The following MAP3K13 variants were observed in gnomAD, a reference collection of about 807,000 sequenced individuals.
MAP3K13 encodes mitogen-activated protein kinase kinase kinase 13.
Under a neutral mutation model 104.0 loss-of-function variants are expected in MAP3K13, and 52 were observed. The observed-to-expected ratio is 0.50, with a 90% confidence interval of 0.40 to 0.63. The LOEUF is 0.63. Among genes scored for constraint, MAP3K13 ranks in the 20% least tolerant of loss-of-function variants. MAP3K13 has a pLI of 0.00. For missense variants in MAP3K13, 914 were observed against 1,218.5 expected (o/e 0.75, Z 3.72); for synonymous variants, 394 against 442.2 (o/e 0.89, Z 1.37).
intron 2 of MAP3K13, among the ~76,000 whole-genome samples, chr3:185,320,184 A>C (rs181496003): frequency 0.021 from 3,195 of 151,460 alleles, 40 homozygotes; most frequent in Middle Eastern, 0.027. Context: ...GGATTCAAGC[A>C]ATTCTCCTGC....
chr3:185,330,273 T>C (rs547108657), intron 2 of MAP3K13, among the ~76,000 whole-genome samples: 197 of 152,066 alleles, frequency 1.3e-3, no homozygotes, highest in African/African-American at 4.5e-3. Flanking sequence ...TCACTGGGTT[T>C]CCCCTTCCTC....
At chr3:185,384,277 ATTC>A (rs952759446) in intron 1 of MAP3K13, among the ~76,000 whole-genome samples, 4 of 149,924 alleles carry the variant, frequency 2.7e-5, no homozygotes, top group Non-Finnish European at 5.9e-5. Context: ...ACTGCATTCC[ATTC>A]TTTTTTATGA....
At chr3:185,469,377 G>A (rs1435556178) in intron 10 of MAP3K13, among the ~76,000 whole-genome samples, 2 of 152,328 alleles carry the variant, frequency 1.3e-5, no homozygotes, top group African/African-American at 4.8e-5. Flanking sequence ...CAAGTTATGA[G>A]TTCTGCCACT....
chr3:185,454,615 T>TATATATGATATATATGATATATAG (rs1560117022), intron 7 of MAP3K13, among the ~76,000 whole-genome samples: 1 of 46,906 alleles, frequency 2.1e-5, no homozygotes, highest in Non-Finnish European at 4.3e-5. Context: ...ATATATATGA[T>TATATATGATATATATGATATATAG]ATATATATGA....
intron 2 of MAP3K13, among the ~76,000 whole-genome samples, chr3:185,436,429 G>T (rs1485986876): frequency 6.6e-6 from 1 of 152,290 alleles, no homozygotes; most frequent in African/African-American, 2.4e-5. Context: ...AGGAGAGAAA[G>T]CACTCTTCGT....
intron 2 of MAP3K13, chr3:185,291,588 T>G: frequency 1.3e-6 from 2 of 1,501,008 alleles, no homozygotes; most frequent in Non-Finnish European, 1.8e-6. Context: ...AGTAGAATTT[T>G]TTTGTGTTTT....
At chr3:185,373,088 A>G (rs984011239) in intron 1 of MAP3K13, among the ~76,000 whole-genome samples, 2 of 152,160 alleles carry the variant, frequency 1.3e-5, no homozygotes, top group Admixed American at 6.5e-5. Context: ...GGGTAAGGAA[A>G]TGATAGTCTT....
chr3:185,469,612 C>A (rs1225613082), intron 10 of MAP3K13, among the ~76,000 whole-genome samples: 1 of 152,186 alleles, frequency 6.6e-6, no homozygotes, highest in Non-Finnish European at 1.5e-5. Context: ...TAAGACAAGT[C>A]CTTAACTGTA....
chr3:185,336,722 G>GTT (rs1296404743), intron 2 of MAP3K13, among the ~76,000 whole-genome samples: 1 of 150,864 alleles, frequency 6.6e-6, no homozygotes, highest in Non-Finnish European at 1.5e-5. Context: ...ATGACTGGAA[G>GTT]TTAAAAGGCT....
At chr3:185,318,264 C>T (rs577318760) in intron 2 of MAP3K13, among the ~76,000 whole-genome samples, 51 of 152,282 alleles carry the variant, frequency 3.3e-4, no homozygotes, top group African/African-American at 1.1e-3. Flanking sequence ...ATTCTTAAAG[C>T]GTCTGTGGTA....
intron 1 of MAP3K13, among the ~76,000 whole-genome samples, chr3:185,394,869 T>A (rs1484598940): frequency 6.6e-6 from 1 of 152,182 alleles, no homozygotes. Flanking sequence ...AGAAGTTATT[T>A]AACCTCTCTG....
In MAP3K13 at chr3:185,428,847, A is replaced by AC. The variant is rs757370876; in HGVS notation, c.266_267insC (p.Glu89AspfsTer4). 6.2e-7 allele frequency: 1 copy of AC among 1,614,166 alleles called. No homozygotes were observed. The highest frequency in any genetic ancestry group is 8.5e-7 in the Non-Finnish European group (1 of 1,180,038). On this transcript the variant is annotated frameshift_variant, in exon 2 of 14. Coordinates refer to ENST00000265026, the MANE Select transcript of MAP3K13 (RefSeq NM_004721.5). LOFTEE classifies it high-confidence loss of function. ...GAGAACAGCGTTCTTCAGCTAAGGG[A>AC]ACACGATGAATCAGAGACGGCGGTG...
Position 185,450,066 on chromosome 3 carries a change from T to G in MAP3K13, c.1169+8T>G. On this transcript the variant is annotated splice_region_variant and intron_variant, in intron 6 of 13. Coordinates refer to ENST00000265026, the MANE Select transcript of MAP3K13 (RefSeq NM_004721.5). This position sits in a 1 kb window ranked among gnomAD's most constrained non-coding sequence, Gnocchi z 4.2. ...CCTTATGAAACAGACGTGGTAAGAATATTGTCTCTAAAACAATAGGGAGGT... is the reference window on the plus strand; with the variant it reads ...CCTTATGAAACAGACGTGGTAAGAAGATTGTCTCTAAAACAATAGGGAGGT... The G allele has an allele frequency of 6.2e-7, 1 of 1,603,558 alleles. No homozygotes were observed. Among genetic ancestry groups the G allele is most frequent in the Non-Finnish European group, 8.5e-7 (1 of 1,175,958 alleles).
At chr3:185,342,960 A>G (rs1222028640) in intron 2 of MAP3K13, among the ~76,000 whole-genome samples, 1 of 152,202 alleles carries the variant, frequency 6.6e-6, no homozygotes, top group Non-Finnish European at 1.5e-5. Context: ...GTGTGGTTGT[A>G]GTACCGAGAA....
chr3:185,351,116 A>T (rs1262870937), intron 2 of MAP3K13, among the ~76,000 whole-genome samples: 1 of 152,236 alleles, frequency 6.6e-6, no homozygotes, highest in Non-Finnish European at 1.5e-5. Context: ...GGAACAGAGC[A>T]CTAAACACCA....
intron 1 of MAP3K13, among the ~76,000 whole-genome samples, chr3:185,387,112 C>T (rs960081041): frequency 6.6e-5 from 10 of 152,154 alleles, no homozygotes; most frequent in African/African-American, 2.4e-4. Flanking sequence ...TACATCACAT[C>T]AACATCAGCA....
At position 185,482,719 on chromosome 3, in the gene MAP3K13, T is replaced by TGTAA; in HGVS notation, c.*264_*267dup. ...CTATTTTATTGAATATTCTAGCTACTGTAACATTGATATTTATTTTTGTTT... is the reference window on the plus strand; with the variant it reads ...CTATTTTATTGAATATTCTAGCTACTGTAAGTAACATTGATATTTATTTTTGTTT... On this transcript the variant is annotated 3_prime_UTR_variant, in exon 14 of 14. Coordinates refer to ENST00000265026, the MANE Select transcript of MAP3K13 (RefSeq NM_004721.5). This position sits in a 1 kb window ranked among gnomAD's most constrained non-coding sequence, Gnocchi z 4.5. The TGTAA allele has an allele frequency of 1.1e-5, 4 of 375,200 alleles. No individual in the cohort carries two copies. 23.2% of individuals were successfully genotyped at this position (375,200 alleles called of 1,614,324 possible). A position where few individuals can be genotyped will look rare whatever the true frequency, so the allele number is the denominator to read the frequency against.
In MAP3K13 at chr3:185,480,414, T is replaced by C. The variant is rs1197675714; in HGVS notation, c.2684T>C (p.Ile895Thr). Residue 895 changes from isoleucine to threonine, a missense_variant, in exon 13 of 14, where the codon ATT (isoleucine) becomes ACT (threonine). Physicochemically the swap from Ile to Thr is moderately conservative, Grantham distance 89 (BLOSUM62 -1). Around this residue, in one of 3 missense-constraint regions of MAP3K13, gnomAD observed 583 missense variants for 737.4 expected, o/e 0.79. Coordinates refer to ENST00000265026, the MANE Select transcript of MAP3K13 (RefSeq NM_004721.5). ...LDDLLSQTPE[I>T]PIDISSHSDG... ...GACCTGCTGTCCCAGACGCCAGAGA[T>C]TCCCATTGACATATCCTCACACTCG... The C allele has an allele frequency of 1.2e-6, 2 of 1,614,040 alleles. No individual in the cohort carries two copies. The highest frequency in any genetic ancestry group is 1.3e-5 in the African/African-American group (1 of 74,910).
rs1713891984 is a variant in MAP3K13, at chr3:185,418,054, G to A, written c.-85-10443G>A. On this transcript the variant is annotated intron_variant, in intron 1 of 13. Coordinates refer to ENST00000265026, the MANE Select transcript of MAP3K13 (RefSeq NM_004721.5). The surrounding 1 kb of genome is among the most constrained non-coding windows in gnomAD (Gnocchi z 4.5). ...GCAGAAACGTCCCACATGCCCACCA[G>A]GAGCAAGCTTCAAAATGTTCAGCTT... 2 of 1,611,910 alleles carry A rather than the reference G, an allele frequency of 1.2e-6. No homozygotes were observed. Among genetic ancestry groups the A allele is most frequent in the Admixed American group, 1.7e-5 (1 of 60,022 alleles).
Sources: allele counts gnomAD v4.1 joint callset (sites outside exome capture counted in the v4.1 genomes callset), GRCh38; gene constraint gnomAD v4.1.1; regional missense constraint gnomAD v4.1.1; non-coding constraint Gnocchi (gnomAD v3.1); transcripts MANE v1.5; gene names NCBI Gene and HGNC (gene_info 2026-07-23, HGNC 2026-07-21).